The following SQSTM1 variants were observed in gnomAD, a reference collection of about 807,000 sequenced individuals.
SQSTM1 encodes sequestosome-1.
SQSTM1 carries 36 observed loss-of-function variants against 45.1 expected under a neutral mutation model. That is an observed-to-expected ratio of 0.80 (90% confidence interval 0.61 to 1.05). The LOEUF is 1.05. Among genes scored for constraint, SQSTM1 ranks in the 50% least tolerant of loss-of-function variants. The pLI, the probability that SQSTM1 is intolerant of heterozygous loss-of-function variation, is 0.00. For synonymous variants in SQSTM1, 290 were observed against 244.3 expected, an observed-to-expected ratio of 1.19 and a Z score of -1.74; for missense variants, 617 against 607.1, an observed-to-expected ratio of 1.02 and a Z score of -0.17.
intron 5 of SQSTM1, among the ~76,000 whole-genome samples, chr5:179,826,164 C>T (rs1046590791): frequency 6.6e-6 from 1 of 151,782 alleles, no homozygotes; most frequent in African/African-American, 2.4e-5. Flanking sequence ...TTTGCTCATT[C>T]CGATTTTTTT....
At chr5:179,809,940 G>A (rs977208521) in intron 1 of SQSTM1, among the ~76,000 whole-genome samples, 19 of 151,208 alleles carry the variant, frequency 1.3e-4, no homozygotes, top group Admixed American at 2.6e-4. Flanking sequence ...CACCGGCGGC[G>A]CCCAGCCTAA....
At chr5:179,820,570 C>A, upstream of SQSTM1, 1 of 210,932 alleles carries the variant, frequency 4.7e-6, no homozygotes, top group Non-Finnish European at 9.4e-6. Flanking sequence ...CATGGCCAGG[C>A]CCAAGCCTGG....
intron 1 of SQSTM1, chr5:179,822,590 C>T: frequency 8.6e-6 from 3 of 350,152 alleles, no homozygotes; most frequent in South Asian, 6.7e-5. Context: ...AGGTCACAGG[C>T]AGGGATCTCC....
At chr5:179,836,040 T>C in intron 7 of SQSTM1, 1 of 319,830 alleles carries the variant, frequency 3.1e-6, no homozygotes, top group Non-Finnish European at 6.1e-6. Context: ...CCAAAATGTA[T>C]CTTGTATCCA....
upstream of SQSTM1, among the ~76,000 whole-genome samples, chr5:179,816,791 C>T (rs981322182): frequency 2.6e-5 from 4 of 152,130 alleles, no homozygotes; most frequent in African/African-American, 9.6e-5. Context: ...TCCTTGTCGC[C>T]GCCCCCCCGT....
At chr5:179,832,744 A>C (rs1477858312) in intron 5 of SQSTM1, among the ~76,000 whole-genome samples, 2 of 152,194 alleles carry the variant, frequency 1.3e-5, no homozygotes, top group African/African-American at 4.8e-5. Context: ...GCCCACCAAG[A>C]ATGTTTCCAG....
rs1302204265 is a variant in SQSTM1, at chr5:179,836,608, C to A, written c.*15C>A. ...CGCCGTTGTGACCACTTTTGCCCACCTCTTCTGCGTGCCCCTCTTCTGTCT... is the reference window on the plus strand; with the variant it reads ...CGCCGTTGTGACCACTTTTGCCCACATCTTCTGCGTGCCCCTCTTCTGTCT... On this transcript the variant is annotated 3_prime_UTR_variant, in exon 8 of 8. Coordinates refer to ENST00000389805, the MANE Select transcript of SQSTM1 (RefSeq NM_003900.5). The A allele has an allele frequency of 6.2e-7, 1 of 1,611,700 alleles. No homozygotes were observed.
chr5:179,828,586 C>T (rs1178088343), intron 5 of SQSTM1, among the ~76,000 whole-genome samples: 1 of 152,102 alleles, frequency 6.6e-6, no homozygotes, highest in South Asian at 2.1e-4. Context: ...GTTGGTCAGG[C>T]TGGTCTCGAA....
intron 5 of SQSTM1, among the ~76,000 whole-genome samples, chr5:179,828,644 G>C (rs1758098190): frequency 6.6e-6 from 1 of 152,190 alleles, no homozygotes; most frequent in South Asian, 2.1e-4. Flanking sequence ...AAAATGCTGG[G>C]ATTACAGGCG....
rs1757900063 is a variant in SQSTM1 at position 179,824,101 on chromosome 5, CTG to C, written c.531+17_531+18del. ...CACCTGTCTGAGGTGAGCAGGCCCT[CTG>C]TGCAGGCCTGGGGTGGGCTCAGGGT... On this transcript the variant is annotated intron_variant, in intron 3 of 7. Transcript: ENST00000389805. 2.5e-6 allele frequency: 4 copies of C among 1,613,658 alleles called. No homozygotes were observed. The highest frequency in any genetic ancestry group is 2.5e-6 in the Non-Finnish European group (3 of 1,180,048).
intron 1 of SQSTM1, chr5:179,822,342 GGTT>G (rs1757813840): frequency 1.2e-5 from 2 of 171,300 alleles, no homozygotes; most frequent in Admixed American, 5.5e-5. Context: ...CAGACATTTG[GGTT>G]GTTTGCATCT....
chr5:179,837,677 G>A lies in SQSTM1; in HGVS notation c.*1084G>A, dbSNP rs1427487388. Reference sequence around the variant, plus strand: ...AGCTGGCCTGGGGTCCCTCTGAAGAGACCTTGGCTGCTCACTGTCCACATG... The same window carrying A: ...AGCTGGCCTGGGGTCCCTCTGAAGAAACCTTGGCTGCTCACTGTCCACATG... On this transcript the variant is annotated 3_prime_UTR_variant, in exon 8 of 8. Transcript: ENST00000389805. 6.2e-7 allele frequency: 1 copy of A among 1,614,252 alleles called. No individual in the cohort carries two copies.
In SQSTM1 at chr5:179,823,950, A is replaced by C. The variant is rs1415174323; in HGVS notation, c.394A>C (p.Asn132His). Residue 132 changes from asparagine to histidine, a missense_variant, in exon 3 of 8, where the codon AAT becomes CAT. Transcript: ENST00000389805. ...CCCCAATGTGATCTGCGATGGCTGC[A>C]ATGGGCCTGTGGTAGGAACCCGCTA... ...VHPNVICDGC[N>H]GPVVGTRYKC... is the part of the protein sequence containing the mutation. The C allele has an allele frequency of 6.2e-7, 1 of 1,614,002 alleles. No homozygotes were observed. Among genetic ancestry groups the C allele is most frequent in the Non-Finnish European group, 8.5e-7 (1 of 1,180,028 alleles).
At chr5:179,826,598 G>GTTTT (rs549477595) in intron 5 of SQSTM1, among the ~76,000 whole-genome samples, 19 of 142,240 alleles carry the variant, frequency 1.3e-4, no homozygotes, top group East Asian at 2.1e-4. Context: ...TCGCTAGTCT[G>GTTTT]TTTTTTTTTT....
intron 5 of SQSTM1, among the ~76,000 whole-genome samples, chr5:179,826,758 G>A (rs1311882598): frequency 2.6e-5 from 4 of 151,266 alleles, no homozygotes; most frequent in Non-Finnish European, 5.9e-5. Flanking sequence ...CCACCACAAC[G>A]CCTAGCTATT....
chr5:179,816,708 G>A (rs537106140), upstream of SQSTM1, among the ~76,000 whole-genome samples: 3 of 152,280 alleles, frequency 2.0e-5, no homozygotes, highest in East Asian at 5.8e-4. Context: ...AGAGCCTCCC[G>A]TCTTCGATGG....
chr5:179,825,366 T>C (rs1360650524), intron 5 of SQSTM1, 140 bp downstream of exon 5: 2 of 796,748 alleles, frequency 2.5e-6, no homozygotes, highest in Non-Finnish European at 4.3e-6. Flanking sequence ...CAACCTTTAG[T>C]AGTGCTGGAC....
At position 179,806,443 on chromosome 5, in the gene SQSTM1, C is replaced by T. The variant is rs1205662340; in HGVS notation, c.-305C>T. The T allele has an allele frequency of 8.6e-7, 1 of 1,158,994 alleles. No homozygotes were observed. The highest frequency in any genetic ancestry group is 1.1e-6 in the Non-Finnish European group (1 of 920,216). 71.8% of individuals were successfully genotyped at this position (1,158,994 alleles called of 1,614,324 possible). A position where few individuals can be genotyped will look rare whatever the true frequency, so the allele number is the denominator to read the frequency against. On this transcript the variant is annotated 5_prime_UTR_variant, in exon 1 of 6. Transcript: ENST00000514093. The surrounding 1 kb of genome is among the most constrained non-coding windows in gnomAD (Gnocchi z 4.6). Reference sequence around the variant, plus strand: ...CCGCCGGGCCCGCTCCCGCCGCCGACGCCCAGGTGCGCCAGGTGCGGGCCG... The same window carrying T: ...CCGCCGGGCCCGCTCCCGCCGCCGATGCCCAGGTGCGCCAGGTGCGGGCCG...
At chr5:179,830,421 G>A (rs1166077326) in intron 5 of SQSTM1, among the ~76,000 whole-genome samples, 3 of 152,034 alleles carry the variant, frequency 2.0e-5, no homozygotes, top group Admixed American at 6.6e-5. Context: ...TTTTGAAACC[G>A]GGTCTCACTG....
Sources: gnomAD v4.1 joint callset for allele counts (sites outside exome capture counted in the v4.1 genomes callset) on GRCh38, gnomAD v4.1.1 for gene constraint, Gnocchi (gnomAD v3.1) non-coding constraint, MANE v1.5 for transcripts, NCBI Gene and HGNC (gene_info 2026-07-23, HGNC 2026-07-21) for gene names.